Variants in NEXMIF observed in about 807,000 individuals in gnomAD.
NEXMIF encodes neurite extension and migration factor, also known as XLMR protein related to neurite extension.
In NEXMIF, 8 loss-of-function variants were observed where a neutral mutation model predicts 62.1. That is an observed-to-expected ratio of 0.13 (90% CI 0.08 to 0.23). NEXMIF has a LOEUF of 0.23. Ranked by LOEUF, NEXMIF falls within the 10% of genes least tolerant of loss-of-function variation. NEXMIF has a pLI of 1.00. For synonymous variants in NEXMIF, 404 were observed against 416.6 expected, an observed-to-expected ratio of 0.97 and a Z score of 0.37; for missense variants, 976 against 1,113.3, an observed-to-expected ratio of 0.88 and a Z score of 1.75.
chrX:74,768,075 T>G (rs1187387507), intron 1 of NEXMIF, among the ~76,000 whole-genome samples: 1 of 111,560 alleles, frequency 9.0e-6, no homozygotes, highest in African/African-American at 3.3e-5. Context: ...CCAGCTGCTC[T>G]GCCAAGACTC....
chrX:74,865,987 C>T (rs752428420), intron 1 of NEXMIF, among the ~76,000 whole-genome samples: 1 of 111,561 alleles, frequency 9.0e-6, no homozygotes, highest in Non-Finnish European at 1.9e-5. Context: ...GAAGTCCCCA[C>T]ACAGAATCTC....
At chrX:74,912,262 T>C (rs781385944) in intron 1 of NEXMIF, among the ~76,000 whole-genome samples, 1 of 111,427 alleles carries the variant, frequency 9.0e-6, no homozygotes, top group African/African-American at 3.3e-5. Flanking sequence ...GCCACCAAGA[T>C]GCCAAAGAAA....
intron 1 of NEXMIF, among the ~76,000 whole-genome samples, chrX:74,822,338 T>C (rs1459091306): frequency 1.8e-5 from 2 of 111,889 alleles, no homozygotes; most frequent in African/African-American, 3.2e-5. Flanking sequence ...AATAGATAAA[T>C]TGAACTTCAA....
In NEXMIF at chrX:74,742,132, C is replaced by T; in HGVS notation, c.2425G>A (p.Val809Ile). 8.3e-7 allele frequency: 1 copy of T among 1,211,008 alleles called. No homozygotes were observed. Among genetic ancestry groups the T allele is most frequent in the Non-Finnish European group, 1.1e-6 (1 of 894,832 alleles). ...SSANVTTNIP[V>I]IPGGYLQTLL... ...GTCTGCAGATACCCTCCCGGGATAA[C>T]AGGTATATTAGTGGTAACATTAGCA... is the stretch of plus-strand genomic sequence containing the variant. Residue 809 changes from valine (V) to isoleucine (I), a missense_variant, in exon 3 of 4, where the codon GTT becomes ATT. Physicochemically the swap from Val to Ile is conservative, Grantham distance 29. This residue lies in a region of NEXMIF where 639 missense variants were observed against 694.5 expected (regional missense o/e 0.92). Coordinates refer to ENST00000055682, the MANE Select transcript of NEXMIF (RefSeq NM_001008537.3).
In NEXMIF at chrX:74,742,917, C is replaced by T; in HGVS notation, c.1640G>A (p.Arg547His). The part of the protein sequence containing the change: ...PVIIKYIIIN[R>H]FKGEKNMLVK... ...CAGCATGTTCTTCTCACCTTTAAAG[C>T]GATTAATGATGATATATTTGATAAT... The change falls in exon 3 of 4, where the codon CGC becomes CAC. Residue 547 changes from arginine (R) to histidine (H), a missense_variant. By Grantham distance (29) the Arg-to-His change is conservative. This residue lies in a region of NEXMIF where 639 missense variants were observed against 694.5 expected (regional missense o/e 0.92). Coordinates refer to ENST00000055682, the MANE Select transcript of NEXMIF (RefSeq NM_001008537.3). 8.3e-7 allele frequency: 1 copy of T among 1,210,588 alleles called. No homozygotes were observed. The highest frequency in any genetic ancestry group is 1.1e-6 in the Non-Finnish European group (1 of 894,830).
At chrX:74,823,718 A>G (rs1237737424) in intron 1 of NEXMIF, among the ~76,000 whole-genome samples, 1 of 110,208 alleles carries the variant, frequency 9.1e-6, no homozygotes, top group Non-Finnish European at 1.9e-5. Flanking sequence ...ATAGATAGAT[A>G]GATAGATAGA....
At chrX:74,759,857 G>T (rs1392349319) in intron 1 of NEXMIF, among the ~76,000 whole-genome samples, 1 of 111,840 alleles carries the variant, frequency 8.9e-6, no homozygotes. Flanking sequence ...GCTTAGGATT[G>T]CCTGGGCTAC....
At chrX:74,819,563 G>A (rs1007928881) in intron 1 of NEXMIF, among the ~76,000 whole-genome samples, 1 of 112,154 alleles carries the variant, frequency 8.9e-6, no homozygotes, top group Non-Finnish European at 1.9e-5. Context: ...AGACATTTAT[G>A]CAGCCAATAA....
At chrX:74,756,063 C>T (rs1338216866) in intron 1 of NEXMIF, among the ~76,000 whole-genome samples, 4 of 110,061 alleles carry the variant, frequency 3.6e-5, no homozygotes, top group East Asian at 5.7e-4. Context: ...TTTGTAGAGA[C>T]GGGGTTTCAC....
chrX:74,773,722 C>T (rs1460324610), intron 1 of NEXMIF, among the ~76,000 whole-genome samples: 2 of 108,918 alleles, frequency 1.8e-5, no homozygotes, highest in Non-Finnish European at 3.8e-5. Flanking sequence ...AGTCTGGCCA[C>T]TATGGCAAAA....
chrX:74,923,100 C>G (rs946902462), intron 1 of NEXMIF, among the ~76,000 whole-genome samples: 1 of 111,589 alleles, frequency 9.0e-6, no homozygotes, highest in Non-Finnish European at 1.9e-5. Context: ...TCACTAGCCA[C>G]CAGGGCTAGT....
chrX:74,832,009 T>C (rs1040705815), intron 1 of NEXMIF, among the ~76,000 whole-genome samples: 2 of 112,257 alleles, frequency 1.8e-5, no homozygotes, highest in African/African-American at 6.5e-5. Flanking sequence ...TGAATTCAGT[T>C]TGCTAGTATT....
intron 3 of NEXMIF, 195 bp downstream of exon 3, chrX:74,739,905 C>A: frequency 2.4e-6 from 1 of 418,577 alleles, no homozygotes; most frequent in South Asian, 4.9e-5. Context: ...ATTGCCCAAT[C>A]TTTTGGGTGG....
chrX:74,882,742 A>G (rs1383438794), intron 1 of NEXMIF, among the ~76,000 whole-genome samples: 3 of 112,211 alleles, frequency 2.7e-5, no homozygotes, highest in African/African-American at 9.7e-5. Flanking sequence ...AAAACAAAAG[A>G]CAGCAATAAC....
chrX:74,754,469 T>A (rs907772719), intron 1 of NEXMIF, among the ~76,000 whole-genome samples: 51 of 107,088 alleles, frequency 4.8e-4, no homozygotes, highest in African/African-American at 1.7e-3. Context: ...ACACCACGCC[T>A]GGCTAATTTT....
chrX:74,764,363 G>A (rs1044377644), intron 1 of NEXMIF, among the ~76,000 whole-genome samples: 25 of 111,517 alleles, frequency 2.2e-4, no homozygotes, highest in Non-Finnish European at 4.1e-4. Context: ...TGCTGGATTC[G>A]GTTTGCCAGT....
intron 1 of NEXMIF, among the ~76,000 whole-genome samples, chrX:74,803,074 T>G (rs2080334572): frequency 9.1e-6 from 1 of 109,975 alleles, no homozygotes; most frequent in Non-Finnish European, 1.9e-5. Context: ...ATCTAGAAAA[T>G]AGCCTCGAAA....
At chrX:74,884,747 A>G (rs1020052581) in intron 1 of NEXMIF, among the ~76,000 whole-genome samples, 19 of 111,562 alleles carry the variant, frequency 1.7e-4, no homozygotes, top group African/African-American at 5.2e-4. Context: ...TGTGACAGAG[A>G]GTTAACAAGG....
intron 1 of NEXMIF, among the ~76,000 whole-genome samples, chrX:74,869,238 T>C (rs1261811658): frequency 4.5e-5 from 5 of 111,909 alleles, no homozygotes. Flanking sequence ...ATCATTTCCA[T>C]GGATGCTGAA....
Sources: allele counts gnomAD v4.1 joint callset (sites outside exome capture counted in the v4.1 genomes callset), GRCh38; gene constraint gnomAD v4.1.1; regional missense constraint gnomAD v4.1.1; transcripts MANE v1.5; gene names NCBI Gene and HGNC (gene_info 2026-07-23, HGNC 2026-07-21).